Variants in AKT3 observed in about 807,000 individuals in gnomAD.
AKT3 encodes AKT serine/threonine kinase 3.
Under a neutral mutation model 65.3 loss-of-function variants are expected in AKT3, and 15 were observed. The ratio of observed to expected loss-of-function variants is 0.23; its 90% CI spans 0.15 to 0.35. AKT3 has a LOEUF of 0.35. AKT3 is among the 10% of genes least tolerant of loss of function. The pLI is 1.00. For synonymous variants in AKT3, 206 were observed against 183.8 expected (o/e 1.12, Z -0.98); for missense variants, 243 against 576.5 (o/e 0.42, Z 5.92).
chr1:243,529,721 T>C (rs558886563), intron 12 of AKT3, among the ~76,000 whole-genome samples: 60 of 152,234 alleles, frequency 3.9e-4, no homozygotes, highest in Non-Finnish European at 7.8e-4. Context: ...AGTTGCGTAA[T>C]GTAATGTCTC....
At position 243,563,710 on chromosome 1, in the gene AKT3, C is replaced by T. The variant is rs768335588; in HGVS notation, c.948+10G>A. 5.7e-6 allele frequency: 9 copies of T among 1,592,826 alleles called. No homozygotes were observed. The highest frequency in any genetic ancestry group is 2.2e-5 in the East Asian group (1 of 44,504). Reference sequence around the variant, plus strand: ...AATGTTACTTTCCTATTAATGGAACCGAAGCCTACCTCTGGTGCCAGATAT... The same window carrying T: ...AATGTTACTTTCCTATTAATGGAACTGAAGCCTACCTCTGGTGCCAGATAT... On this transcript the variant is annotated intron_variant, in intron 10 of 13. Coordinates refer to ENST00000673466, the MANE Select transcript of AKT3 (RefSeq NM_005465.7).
intron 2 of AKT3, among the ~76,000 whole-genome samples, chr1:243,823,667 A>G (rs1693988662): frequency 6.6e-6 from 1 of 152,348 alleles, no homozygotes; most frequent in East Asian, 1.9e-4. Context: ...ACTCCCATTC[A>G]TAATTGCTAC....
At position 243,501,856 on chromosome 1, in the gene AKT3, C is replaced by G. The variant is rs1028830740; in HGVS notation, c.*3393G>C. 2 of 232,636 alleles carry G rather than the reference C, an allele frequency of 8.6e-6. No individual in the cohort carries two copies. Among genetic ancestry groups the G allele is most frequent in the African/African-American group, 4.4e-5 (2 of 45,314 alleles). 14.4% of individuals were successfully genotyped at this position (232,636 alleles called of 1,614,324 possible). On this transcript the variant is annotated 3_prime_UTR_variant, in exon 14 of 14. Coordinates refer to ENST00000673466, the MANE Select transcript of AKT3 (RefSeq NM_005465.7). ...TACGTGTAAAAATACTAAGGATGTACAGTGTACAAAAACAGTTTCTCCTAG... is the reference window on the plus strand; with the variant it reads ...TACGTGTAAAAATACTAAGGATGTAGAGTGTACAAAAACAGTTTCTCCTAG...
At chr1:243,850,360 A>G (rs1336987953), upstream of AKT3, among the ~76,000 whole-genome samples, 1 of 150,272 alleles carries the variant, frequency 6.7e-6, no homozygotes, top group Non-Finnish European at 1.5e-5. Flanking sequence ...CGGGGAGAGG[A>G]GGAGGCGGAG....
At chr1:243,720,092 C>T (rs977526198) in intron 2 of AKT3, among the ~76,000 whole-genome samples, 3 of 152,048 alleles carry the variant, frequency 2.0e-5, no homozygotes, top group South Asian at 2.1e-4. Flanking sequence ...GTGGGCAGAT[C>T]ACCTGAGATC....
intron 12 of AKT3, among the ~76,000 whole-genome samples, chr1:243,523,098 A>G (rs1439083526): frequency 6.6e-6 from 1 of 152,120 alleles, no homozygotes; most frequent in Non-Finnish European, 1.5e-5. Flanking sequence ...AGCAATTTCT[A>G]TGTTCTGCAA....
intron 1 of AKT3, among the ~76,000 whole-genome samples, chr1:243,846,582 T>C (rs1695532778): frequency 1.3e-5 from 2 of 152,330 alleles, no homozygotes; most frequent in Admixed American, 1.3e-4. Flanking sequence ...AAAATGAGTT[T>C]ACATCTAATT....
At chr1:243,580,676 G>A (rs2148523584) in intron 8 of AKT3, among the ~76,000 whole-genome samples, 1 of 152,304 alleles carries the variant, frequency 6.6e-6, no homozygotes, top group South Asian at 2.1e-4. Context: ...CTCCTGGGCT[G>A]CAAAACTTGC....
At chr1:243,718,635 T>C (rs1686673017) in intron 2 of AKT3, among the ~76,000 whole-genome samples, 1 of 104,510 alleles carries the variant, frequency 9.6e-6, no homozygotes, top group Non-Finnish European at 2.7e-5. Context: ...GATAATTTTC[T>C]TTTTTGTATT....
intron 4 of AKT3, among the ~76,000 whole-genome samples, chr1:243,656,042 A>T (rs896816805): frequency 2.6e-4 from 39 of 149,346 alleles, no homozygotes; most frequent in African/African-American, 9.4e-4. Flanking sequence ...CCCAAATTAC[A>T]TAATTCACCA....
At chr1:243,765,207 A>C (rs1035928599) in intron 2 of AKT3, among the ~76,000 whole-genome samples, 3 of 152,138 alleles carry the variant, frequency 2.0e-5, no homozygotes, top group African/African-American at 7.2e-5. Context: ...AACTTATTTA[A>C]ATTTTAAAAA....
intron 2 of AKT3, among the ~76,000 whole-genome samples, chr1:243,723,292 C>T (rs1687024343): frequency 6.6e-6 from 1 of 152,124 alleles, no homozygotes. Flanking sequence ...TCATAGATGC[C>T]TGTCACTATT....
chr1:243,549,211 G>A (rs1672878333), intron 11 of AKT3, among the ~76,000 whole-genome samples: 1 of 151,998 alleles, frequency 6.6e-6, no homozygotes, highest in African/African-American at 2.4e-5. Flanking sequence ...GTTTTATATA[G>A]AAACTTCAGA....
At chr1:243,679,588 A>G (rs1319906392) in intron 3 of AKT3, among the ~76,000 whole-genome samples, 2 of 152,214 alleles carry the variant, frequency 1.3e-5, no homozygotes, top group Middle Eastern at 3.2e-3. Context: ...AGTTATATTT[A>G]AATAATGTCT....
chr1:243,573,165 G>T, intron 8 of AKT3, 117 bp from the exon 9 acceptor site: 1 of 1,237,990 alleles, frequency 8.1e-7, no homozygotes, highest in Non-Finnish European at 1.1e-6. Flanking sequence ...TGTACTCTCA[G>T]TGGACACTGA....
intron 3 of AKT3, among the ~76,000 whole-genome samples, chr1:243,685,439 C>T (rs2147990681): frequency 6.6e-6 from 1 of 152,214 alleles, no homozygotes; most frequent in African/African-American, 2.4e-5. Context: ...TAAGAGAATC[C>T]TTTCCCCATT....
chr1:243,704,563 C>T (rs544399830), intron 2 of AKT3, among the ~76,000 whole-genome samples: 4 of 152,208 alleles, frequency 2.6e-5, no homozygotes, highest in Admixed American at 1.3e-4. Context: ...CATGTGGATT[C>T]AGAAAAAGGT....
At chr1:243,664,657 T>G (rs1442639802) in intron 4 of AKT3, 115 bp downstream of exon 4, 1 of 348,252 alleles carries the variant, frequency 2.9e-6, no homozygotes, top group Non-Finnish European at 4.8e-6. Context: ...ATTTAGAGAC[T>G]ATAGCATTTA....
At chr1:243,646,226 T>C (rs1680802015) in intron 4 of AKT3, among the ~76,000 whole-genome samples, 189 bp from the exon 5 acceptor site, 1 of 152,032 alleles carries the variant, frequency 6.6e-6, no homozygotes, top group Admixed American at 6.6e-5. Context: ...ATTCACCACA[T>C]GCCTAAAGTC....
Sources: gnomAD v4.1 joint callset for allele counts (sites outside exome capture counted in the v4.1 genomes callset) on GRCh38, gnomAD v4.1.1 for gene constraint, MANE v1.5 for transcripts, NCBI Gene and HGNC (gene_info 2026-07-23, HGNC 2026-07-21) for gene names.